The following FSTL1 variants were observed in gnomAD, a reference collection of about 807,000 sequenced individuals.
FSTL1 encodes the protein follistatin like 1.
A neutral mutation model predicts 45.9 loss-of-function variants in FSTL1; 24 were observed. The observed-to-expected ratio is 0.52, with a 90% CI of 0.38 to 0.74. The LOEUF (loss-of-function observed/expected upper bound fraction) is 0.74. FSTL1 is among the 30% of genes least tolerant of loss of function. The pLI is 0.00. For missense variants in FSTL1, 340 were observed against 381.8 expected, an observed-to-expected ratio of 0.89 and a Z score of 0.91; for synonymous variants, 120 against 137.6, an observed-to-expected ratio of 0.87 and a Z score of 0.89.
intron 10 of FSTL1, 101 bp from the exon 11 acceptor site, chr3:120,397,097 T>C (rs1936717747): frequency 3.1e-6 from 3 of 969,240 alleles, no homozygotes; most frequent in Non-Finnish European, 3.3e-6. Flanking sequence ...TACAAGCTTA[T>C]GCTGAATTTT....
chr3:120,412,115 T>C, intron 3 of FSTL1, 132 bp from the exon 4 acceptor site: 1 of 890,714 alleles, frequency 1.1e-6, no homozygotes, highest in Non-Finnish European at 1.7e-6. Context: ...AGATGGTGCT[T>C]CTACCCCATC....
chr3:120,437,928 T>C (rs1937587805), intron 2 of FSTL1, among the ~76,000 whole-genome samples: 1 of 152,122 alleles, frequency 6.6e-6, no homozygotes, highest in Admixed American at 6.5e-5. Flanking sequence ...CAAAGACCAG[T>C]GCCCATGGGC....
At chr3:120,426,804 T>G (rs1442504309) in intron 2 of FSTL1, among the ~76,000 whole-genome samples, 2 of 152,062 alleles carry the variant, frequency 1.3e-5, no homozygotes, top group East Asian at 3.9e-4. Flanking sequence ...GCACAGGGCG[T>G]TTTTCCTCTC....
chr3:120,403,428 AC>A, intron 7 of FSTL1, 74 bp from the exon 8 acceptor site: 1 of 887,026 alleles, frequency 1.1e-6, no homozygotes, highest in Non-Finnish European at 1.9e-6. Flanking sequence ...AAGCATCAGG[AC>A]CACATACACC....
chr3:120,449,506 A>G (rs1319452467), intron 2 of FSTL1, among the ~76,000 whole-genome samples: 3 of 152,236 alleles, frequency 2.0e-5, no homozygotes, highest in Non-Finnish European at 4.4e-5. Flanking sequence ...CTGTCATTAA[A>G]ATGGAATTTT....
At chr3:120,445,019 GAGTCCTT>G (rs751507823) in intron 2 of FSTL1, among the ~76,000 whole-genome samples, 4 of 149,648 alleles carry the variant, frequency 2.7e-5, no homozygotes, top group Non-Finnish European at 5.9e-5. Flanking sequence ...ATCTTATGTA[GAGTCCTT>G]TCAAAAGTAA....
chr3:120,396,698 C>A lies in FSTL1; in HGVS notation c.*254G>T, dbSNP rs1329015027. 1 of 470,792 alleles carries A rather than the reference C, an allele frequency of 2.1e-6. No individual in the cohort carries two copies. Among genetic ancestry groups the A allele is most frequent in the East Asian group, 3.6e-5 (1 of 27,438 alleles). 29.2% of individuals were successfully genotyped at this position (470,792 alleles called of 1,614,324 possible). A position where few individuals can be genotyped will look rare whatever the true frequency, so the allele number is the denominator to read the frequency against. On this transcript the variant is annotated 3_prime_UTR_variant, in exon 11 of 11. Transcript: ENST00000295633. Reference sequence around the variant, plus strand: ...CCTCTTTCAATCGTGATGCAGTTTCCTTACTAGCCTCCAGCCCCAGAGCAC... The same window carrying A: ...CCTCTTTCAATCGTGATGCAGTTTCATTACTAGCCTCCAGCCCCAGAGCAC...
At chr3:120,432,080 C>T (rs772113020) in intron 2 of FSTL1, among the ~76,000 whole-genome samples, 9 of 152,128 alleles carry the variant, frequency 5.9e-5, no homozygotes, top group African/African-American at 1.9e-4. Flanking sequence ...ATATTTGGAG[C>T]CTTCTCTTAG....
intron 2 of FSTL1, among the ~76,000 whole-genome samples, chr3:120,450,353 G>A (rs552327331): frequency 3.5e-4 from 54 of 152,210 alleles, no homozygotes; most frequent in African/African-American, 1.2e-3. Flanking sequence ...CTGAAGTGAA[G>A]GACGGAACTG....
At chr3:120,414,731 C>T (rs533537794) in intron 3 of FSTL1, among the ~76,000 whole-genome samples, 1 of 151,582 alleles carries the variant, frequency 6.6e-6, no homozygotes. Context: ...TGTGTCCACT[C>T]AGGGTTAAAT....
intron 2 of FSTL1, among the ~76,000 whole-genome samples, chr3:120,439,292 A>C (rs984767006): frequency 6.6e-6 from 1 of 152,244 alleles, no homozygotes; most frequent in African/African-American, 2.4e-5. Context: ...TAATCCAGCA[A>C]TCAGAAGGAA....
chr3:120,446,308 C>T (rs1429943304), intron 2 of FSTL1, among the ~76,000 whole-genome samples: 1 of 152,158 alleles, frequency 6.6e-6, no homozygotes, highest in Non-Finnish European at 1.5e-5. Context: ...CCACTTCAGC[C>T]CATGACCAGA....
chr3:120,450,469 G>C (rs1251658048), intron 2 of FSTL1, among the ~76,000 whole-genome samples: 1 of 152,108 alleles, frequency 6.6e-6, no homozygotes, highest in Non-Finnish European at 1.5e-5. Context: ...AGCCGCGGCG[G>C]GGCTCCCGCT....
rs1700 is a variant in FSTL1 at position 120,395,790 on chromosome 3, C to T, written c.*1162G>A. On this transcript the variant is annotated 3_prime_UTR_variant, in exon 11 of 11. Transcript: ENST00000295633. Reference sequence around the variant, plus strand: ...AGGTTAGTGCATTCTTACCAGCTCACTGAGGAAACTGAGGTCCAGAAAAAA... The same window carrying T: ...AGGTTAGTGCATTCTTACCAGCTCATTGAGGAAACTGAGGTCCAGAAAAAA... 0.099 allele frequency: 49,668 copies of T among 501,774 alleles called. 2,668 individuals carry two copies. The highest frequency in any genetic ancestry group is 0.11 in the Non-Finnish European group (27,600 of 248,342). The allele number at this position is 501,774 out of a possible 1,614,324, so 31.1% of individuals were successfully genotyped here. A position where few individuals can be genotyped will look rare whatever the true frequency, so the allele number is the denominator to read the frequency against.
intron 3 of FSTL1, among the ~76,000 whole-genome samples, chr3:120,413,220 G>T (rs577783306): frequency 4.6e-5 from 7 of 152,328 alleles, no homozygotes; most frequent in African/African-American, 1.4e-4. Context: ...AAGAAGCACA[G>T]AGCACTGGAA....
intron 2 of FSTL1, among the ~76,000 whole-genome samples, chr3:120,442,788 G>GAA (rs749297340): frequency 1.9e-3 from 99 of 53,242 alleles, no homozygotes; most frequent in South Asian, 2.2e-3. Flanking sequence ...TCTCAAAAAA[G>GAA]AAAAAAAAAA....
intron 2 of FSTL1, among the ~76,000 whole-genome samples, chr3:120,425,864 G>T (rs1937367260): frequency 6.6e-6 from 1 of 152,162 alleles, no homozygotes; most frequent in African/African-American, 2.4e-5. Flanking sequence ...AGCAGTAATG[G>T]AACCCCAATT....
At position 120,409,675 on chromosome 3, in the gene FSTL1, G is replaced by C; in HGVS notation, c.332-13C>G. On this transcript the variant is annotated splice_polypyrimidine_tract_variant and intron_variant, in intron 5 of 10. Coordinates refer to ENST00000295633, the MANE Select transcript of FSTL1 (RefSeq NM_007085.5). Reference sequence around the variant, plus strand: ...TGATAGCAAACAACTGCAGGAAAGTGGAGGATGTCAGCTGGAGCAGTCAGG... The same window carrying C: ...TGATAGCAAACAACTGCAGGAAAGTCGAGGATGTCAGCTGGAGCAGTCAGG... 1 of 1,613,530 alleles carries C rather than the reference G, an allele frequency of 6.2e-7. No homozygotes were observed. Among genetic ancestry groups the C allele is most frequent in the Non-Finnish European group, 8.5e-7 (1 of 1,179,626 alleles).
rs141248889 is a variant in FSTL1, at chr3:120,399,883, C to G, written c.882G>C (p.Gln294His). Residue 294 changes from glutamine to histidine, a missense_variant and splice_region_variant, in exon 10 of 11, where the codon CAG (glutamine) becomes CAC (histidine). Gln to His is a conservative substitution (Grantham distance 24). Coordinates refer to ENST00000295633, the MANE Select transcript of FSTL1 (RefSeq NM_007085.5). ...AACCAGCACGGAGGCTGCCACTCACCTGATGCTTTTGGAGCTCCTGGACAT... is the reference window on the plus strand; with the variant it reads ...AACCAGCACGGAGGCTGCCACTCACGTGATGCTTTTGGAGCTCCTGGACAT... ...TRYVQELQKH[Q>H]ETAEKTKRVS... is the part of the protein sequence containing the mutation. The G allele has an allele frequency of 6.3e-7, 1 of 1,599,082 alleles. No homozygotes were observed. The highest frequency in any genetic ancestry group is 1.7e-5 in the Admixed American group (1 of 58,726).
Sources: gnomAD v4.1 joint callset for allele counts (sites outside exome capture counted in the v4.1 genomes callset) on GRCh38, gnomAD v4.1.1 for gene constraint, MANE v1.5 for transcripts, NCBI Gene and HGNC (gene_info 2026-07-23, HGNC 2026-07-21) for gene names.